The following ULK4 variants were observed in gnomAD, a reference collection of about 807,000 sequenced individuals.
ULK4 encodes the protein unc-51 like kinase 4.
A neutral mutation model predicts 160.6 loss-of-function variants in ULK4; 133 were observed. The ratio of observed to expected loss-of-function variants is 0.83; its 90% confidence interval spans 0.72 to 0.96. ULK4 has a LOEUF of 0.96. ULK4 is among the 40% of genes least tolerant of loss of function. ULK4 has a pLI of 0.00. For missense variants in ULK4, 1,580 were observed against 1,499.5 expected, an observed-to-expected ratio of 1.05 and a Z score of -0.89; for synonymous variants, 534 against 539.8, an observed-to-expected ratio of 0.99 and a Z score of 0.15.
chr3:41,745,709 A>G (rs1031829991), intron 22 of ULK4, among the ~76,000 whole-genome samples: 2 of 151,682 alleles, frequency 1.3e-5, no homozygotes, highest in African/African-American at 2.4e-5. Context: ...GCAAGCAAGC[A>G]AACTATAACC....
intron 31 of ULK4, among the ~76,000 whole-genome samples, chr3:41,599,565 C>CT (rs200055034): frequency 0.24 from 31,453 of 130,700 alleles, 4,534 homozygotes; most frequent in Admixed American, 0.36. Flanking sequence ...TTTTCTTTTT[C>CT]TTTTTTTTTT....
At chr3:41,799,267 A>T (rs2040388683) in intron 20 of ULK4, among the ~76,000 whole-genome samples, 1 of 152,174 alleles carries the variant, frequency 6.6e-6, no homozygotes, top group South Asian at 2.1e-4. Flanking sequence ...AGAGGGTTAT[A>T]TTTGTTCAAT....
intron 30 of ULK4, among the ~76,000 whole-genome samples, chr3:41,627,026 T>A (rs2033547407): frequency 6.6e-6 from 1 of 152,178 alleles, no homozygotes; most frequent in South Asian, 2.1e-4. Context: ...TTAACTTCAT[T>A]TATATTCAGA....
chr3:41,626,874 T>A (rs886151312), intron 30 of ULK4, among the ~76,000 whole-genome samples: 3 of 152,124 alleles, frequency 2.0e-5, no homozygotes, highest in Admixed American at 2.0e-4. Context: ...GCCTATGGAA[T>A]ATGGTGGCCT....
At chr3:41,495,380 G>A (rs926174950) in intron 32 of ULK4, among the ~76,000 whole-genome samples, 13 of 151,996 alleles carry the variant, frequency 8.6e-5, no homozygotes, top group African/African-American at 3.1e-4. Context: ...GCCATATGTA[G>A]AAAGCTGAAA....
intron 17 of ULK4, among the ~76,000 whole-genome samples, chr3:41,857,254 C>T (rs1214029120): frequency 6.6e-6 from 1 of 152,190 alleles, no homozygotes; most frequent in Non-Finnish European, 1.5e-5. Flanking sequence ...GATGACACTT[C>T]ATATCTCCTC....
chr3:41,842,703 G>T (rs1045210297), intron 17 of ULK4, among the ~76,000 whole-genome samples: 1 of 152,192 alleles, frequency 6.6e-6, no homozygotes, highest in Non-Finnish European at 1.5e-5. Context: ...CTGGCACCAT[G>T]CTTCTTCTAT....
chr3:41,429,981 C>G lies in ULK4; in HGVS notation c.3492+25516G>C, dbSNP rs1227029917. Among the ~76,000 whole-genome samples the G allele has an allele frequency of 3.9e-5, 6 of 152,054 alleles. No individual in the cohort carries two copies. In the East Asian group the frequency reaches 9.6e-4, roughly 24 times the overall value. On this transcript the variant is annotated intron_variant, in intron 34 of 36. Coordinates refer to ENST00000301831, the MANE Select transcript of ULK4 (RefSeq NM_017886.4). ...AAGTTAAAATTGCTGTTTACTGAAT[C>G]CAGGATATTGAAAAATACATGAAAT...
At chr3:41,743,296 G>A (rs950505006) in intron 22 of ULK4, among the ~76,000 whole-genome samples, 1 of 151,222 alleles carries the variant, frequency 6.6e-6, no homozygotes, top group Non-Finnish European at 1.5e-5. Context: ...AACCATAGGG[G>A]ACAGAAGAAA....
At chr3:41,805,776 T>C (rs1457417769) in intron 19 of ULK4, among the ~76,000 whole-genome samples, 164 of 149,166 alleles carry the variant, frequency 1.1e-3, no homozygotes, top group African/African-American at 3.9e-3. Flanking sequence ...GTTTATATGC[T>C]GGATTACATT....
At chr3:41,527,538 C>T (rs2086162675) in intron 32 of ULK4, among the ~76,000 whole-genome samples, 1 of 152,214 alleles carries the variant, frequency 6.6e-6, no homozygotes, top group Non-Finnish European at 1.5e-5. Flanking sequence ...ACGCCAGTGG[C>T]ATATGCCAGA....
intron 18 of ULK4, among the ~76,000 whole-genome samples, chr3:41,822,418 C>T (rs73079321): frequency 0.26 from 38,745 of 151,890 alleles, 6,115 homozygotes; most frequent in African/African-American, 0.45. Flanking sequence ...TTTTGTCGTT[C>T]GTTTCGTTTT....
intron 32 of ULK4, among the ~76,000 whole-genome samples, chr3:41,563,748 T>C (rs2087687151): frequency 6.6e-6 from 1 of 152,196 alleles, no homozygotes; most frequent in African/African-American, 2.4e-5. Flanking sequence ...TTATTCTAGT[T>C]AGCCATTCGT....
intron 8 of ULK4, 39 bp downstream of exon 8, chr3:41,915,938 C>CAAAAGA (rs774170921): frequency 1.4e-6 from 2 of 1,455,622 alleles, no homozygotes; most frequent in Admixed American, 2.2e-5. Flanking sequence ...TTGCAGAACT[C>CAAAAGA]AAAAGAAAAA....
At chr3:41,824,755 C>T (rs983107828) in intron 18 of ULK4, among the ~76,000 whole-genome samples, 1 of 152,198 alleles carries the variant, frequency 6.6e-6, no homozygotes, top group Non-Finnish European at 1.5e-5. Flanking sequence ...CATAGCCAAA[C>T]AAAAGGCAGG....
chr3:41,618,710 C>G (rs977942492), intron 30 of ULK4, among the ~76,000 whole-genome samples: 1 of 152,100 alleles, frequency 6.6e-6, no homozygotes, highest in Non-Finnish European at 1.5e-5. Flanking sequence ...GAAGAAATTG[C>G]ATCAACTAAT....
chr3:41,698,621 G>A (rs1468662426), intron 27 of ULK4, among the ~76,000 whole-genome samples: 1 of 152,106 alleles, frequency 6.6e-6, no homozygotes, highest in African/African-American at 2.4e-5. Flanking sequence ...TAATCAACCT[G>A]TATATAGGCT....
At chr3:41,392,152 G>C (rs1033809887) in intron 35 of ULK4, among the ~76,000 whole-genome samples, 2 of 152,066 alleles carry the variant, frequency 1.3e-5, no homozygotes, top group African/African-American at 2.4e-5. Flanking sequence ...TTAAGGGAAA[G>C]GTAAACTTGG....
At chr3:41,812,820 G>T (rs148509897) in intron 19 of ULK4, among the ~76,000 whole-genome samples, 1 of 151,888 alleles carries the variant, frequency 6.6e-6, no homozygotes, top group Non-Finnish European at 1.5e-5. Context: ...AGGAATATTT[G>T]GCATTGAATT....
Sources: gnomAD v4.1 joint callset for allele counts (sites outside exome capture counted in the v4.1 genomes callset) on GRCh38, gnomAD v4.1.1 for gene constraint, MANE v1.5 for transcripts, NCBI Gene and HGNC (gene_info 2026-07-23, HGNC 2026-07-21) for gene names.